The following ELMO1 variants were observed in gnomAD, a reference collection of about 807,000 sequenced individuals.
The protein encoded by ELMO1 is engulfment and cell motility protein 1.
In ELMO1, 26 loss-of-function variants were observed where a neutral mutation model predicts 98.9. The observed-to-expected ratio is 0.26, with a 90% confidence interval of 0.19 to 0.36. ELMO1 has a LOEUF of 0.36. Ranked by LOEUF, ELMO1 falls within the 10% of genes least tolerant of loss-of-function variation. The pLI is 1.00. For synonymous variants in ELMO1, 346 were observed against 346.0 expected (o/e 1.00, Z 0.00); for missense variants, 627 against 935.2 (o/e 0.67, Z 4.30).
intron 1 of ELMO1, among the ~76,000 whole-genome samples, chr7:37,418,270 A>T (rs1429044836): frequency 1.3e-5 from 2 of 152,244 alleles, no homozygotes; most frequent in African/African-American, 4.8e-5. Flanking sequence ...GCACATTTTG[A>T]ACTGTCTTTA....
intron 17 of ELMO1, among the ~76,000 whole-genome samples, chr7:36,889,654 A>T (rs1028608360): frequency 6.6e-6 from 1 of 152,204 alleles, no homozygotes; most frequent in Non-Finnish European, 1.5e-5. Context: ...AGACCAAGAG[A>T]AGGAAACAAC....
chr7:37,417,621 G>A (rs1354137858), intron 1 of ELMO1, among the ~76,000 whole-genome samples: 1 of 150,260 alleles, frequency 6.7e-6, no homozygotes, highest in African/African-American at 2.5e-5. Context: ...CCAAGATCAC[G>A]CCACTGCACT....
intron 16 of ELMO1, among the ~76,000 whole-genome samples, chr7:36,954,917 T>C (rs1242125704): frequency 2.0e-5 from 3 of 152,206 alleles, no homozygotes; most frequent in East Asian, 1.9e-4. Flanking sequence ...AGGTGAGACA[T>C]GTTCCTGTAT....
chr7:36,953,628 GA>G (rs1788182983), intron 16 of ELMO1, among the ~76,000 whole-genome samples: 1 of 152,068 alleles, frequency 6.6e-6, no homozygotes, highest in Non-Finnish European at 1.5e-5. Context: ...TGTAAATAAT[GA>G]TGCTTATACA....
Position 37,342,311 on chromosome 7 carries a change from G to C in ELMO1, c.78+302C>G, listed in dbSNP as rs1271931120. ...TATCCATGTGTCATGGCAAGGCAGG[G>C]ATGGGGCAGCCTCCACTGTGTCAAC... On this transcript the variant is annotated intron_variant, in intron 2 of 21. Coordinates refer to ENST00000310758, the MANE Select transcript of ELMO1 (RefSeq NM_014800.11). The surrounding 1 kb of genome is among the most constrained non-coding windows in gnomAD (Gnocchi z 4.3). 3.3e-5 allele frequency among the ~76,000 whole-genome samples: 5 copies of C among 152,176 alleles called. No homozygotes were observed. The highest frequency in any genetic ancestry group is 7.3e-5 in the Non-Finnish European group (5 of 68,028).
intron 4 of ELMO1, among the ~76,000 whole-genome samples, chr7:37,277,263 C>T (rs992651483): frequency 1.3e-5 from 2 of 152,208 alleles, no homozygotes; most frequent in African/African-American, 4.8e-5. Context: ...ACCAGCACTG[C>T]ATCAGCACAT....
intron 13 of ELMO1, among the ~76,000 whole-genome samples, chr7:37,149,984 G>A (rs1298681397): frequency 3.3e-5 from 5 of 152,112 alleles, no homozygotes; most frequent in Admixed American, 3.3e-4. Flanking sequence ...AATGTTTTCA[G>A]TAACCTTAGC....
At chr7:36,962,951 G>T (rs1221771168) in intron 16 of ELMO1, among the ~76,000 whole-genome samples, 1 of 152,158 alleles carries the variant, frequency 6.6e-6, no homozygotes, top group African/African-American at 2.4e-5. Flanking sequence ...GGAAAAGTGA[G>T]AAAAGATGTA....
At position 36,960,392 on chromosome 7, in the gene ELMO1, T is replaced by C. The variant is rs187969574; in HGVS notation, c.1437+52907A>G. ...CAGGCACAATGACCAACTGGCTTCT[T>C]AAAATTTTATTTTATTTTATTTTTT... On this transcript the variant is annotated intron_variant, in intron 16 of 21. Coordinates refer to ENST00000310758, the MANE Select transcript of ELMO1 (RefSeq NM_014800.11). Among the ~76,000 whole-genome samples, 651 of 152,216 alleles carry C rather than the reference T, an allele frequency of 4.3e-3. 11 individuals carry two copies. The highest frequency in any genetic ancestry group is 0.015 in the African/African-American group (620 of 41,480).
chr7:37,320,916 C>A (rs775453494), intron 2 of ELMO1, among the ~76,000 whole-genome samples: 2 of 152,166 alleles, frequency 1.3e-5, no homozygotes, highest in African/African-American at 4.8e-5. Flanking sequence ...TGTGAGCAGC[C>A]GCTGGCCATA....
intron 1 of ELMO1, among the ~76,000 whole-genome samples, chr7:37,346,764 G>C (rs1212140075): frequency 6.6e-6 from 1 of 152,172 alleles, no homozygotes; most frequent in Non-Finnish European, 1.5e-5. Context: ...TGCATTTTAA[G>C]TACCTTGCCC....
At chr7:37,032,678 C>T (rs1294731955) in intron 15 of ELMO1, among the ~76,000 whole-genome samples, 3 of 152,180 alleles carry the variant, frequency 2.0e-5, no homozygotes, top group Admixed American at 1.3e-4. Flanking sequence ...AATCCAACCA[C>T]GACAATCTTC....
intron 16 of ELMO1, among the ~76,000 whole-genome samples, chr7:36,942,755 A>G (rs900988259): frequency 3.9e-5 from 6 of 152,204 alleles, no homozygotes; most frequent in Non-Finnish European, 7.3e-5. Context: ...TGCTAATTAG[A>G]TTTAGTGCCC....
intron 16 of ELMO1, among the ~76,000 whole-genome samples, chr7:36,992,788 G>T (rs1364674748): frequency 6.6e-6 from 1 of 152,156 alleles, no homozygotes; most frequent in Non-Finnish European, 1.5e-5. Context: ...TCTCATTAGA[G>T]GACAAATTTC....
intron 16 of ELMO1, among the ~76,000 whole-genome samples, chr7:36,895,800 T>A (rs76150916): frequency 5.3e-5 from 8 of 152,224 alleles, no homozygotes; most frequent in African/African-American, 1.9e-4. Flanking sequence ...TTGCTGCTTC[T>A]TTTTTCACTC....
intron 14 of ELMO1, among the ~76,000 whole-genome samples, chr7:37,107,531 C>T (rs959123913): frequency 1.3e-5 from 2 of 152,232 alleles, no homozygotes; most frequent in Non-Finnish European, 2.9e-5. Flanking sequence ...CAACAAATCT[C>T]AAGATCACAT....
At chr7:36,924,055 T>C (rs1785348124) in intron 16 of ELMO1, among the ~76,000 whole-genome samples, 1 of 152,034 alleles carries the variant, frequency 6.6e-6, no homozygotes, top group Non-Finnish European at 1.5e-5. Context: ...CACTAAAGGG[T>C]TGTGAACAAG....
At chr7:37,443,231 G>A (rs1477614775) in intron 1 of ELMO1, among the ~76,000 whole-genome samples, 1 of 152,154 alleles carries the variant, frequency 6.6e-6, no homozygotes, top group Non-Finnish European at 1.5e-5. Flanking sequence ...CCTTAGTCCA[G>A]CAAGTTGTGC....
At chr7:37,002,375 T>C (rs1268012701) in intron 16 of ELMO1, among the ~76,000 whole-genome samples, 1 of 152,224 alleles carries the variant, frequency 6.6e-6, no homozygotes, top group African/African-American at 2.4e-5. Flanking sequence ...GATTTGGAAG[T>C]ATGCTACTAC....
Sources: gnomAD v4.1 joint callset for allele counts (sites outside exome capture counted in the v4.1 genomes callset) on GRCh38, gnomAD v4.1.1 for gene constraint, Gnocchi (gnomAD v3.1) non-coding constraint, MANE v1.5 for transcripts, NCBI Gene and HGNC (gene_info 2026-07-23, HGNC 2026-07-21) for gene names.